Variants in ZNF385B observed in about 807,000 individuals in gnomAD.
ZNF385B encodes the protein zinc finger protein 533.
In ZNF385B, 23 loss-of-function variants were observed where a neutral mutation model predicts 39.2. The observed-to-expected ratio is 0.59, with a 90% CI of 0.42 to 0.83. ZNF385B has a LOEUF of 0.83. Ranked by LOEUF, ZNF385B falls within the 40% of genes least tolerant of loss-of-function variation. The probability of loss-of-function intolerance (pLI) is 0.00; values close to 1 mark genes in which losing one functional copy is unlikely to be tolerated. For synonymous variants in ZNF385B, 205 were observed against 222.6 expected (o/e 0.92, Z 0.70); for missense variants, 552 against 598.9 (o/e 0.92, Z 0.82).
Position 179,555,541 on chromosome 2 carries a change from T to G in ZNF385B, c.299-10572A>C, listed in dbSNP as rs570607830. ...GTCAATGCTATTAATTCTAATAAAA[T>G]GTTTTGACAAATATAGGCAAAATTT... On this transcript the variant is annotated intron_variant, in intron 3 of 9. Coordinates refer to ENST00000410066, the MANE Select transcript of ZNF385B (RefSeq NM_152520.6). Among the ~76,000 whole-genome samples, 10 of 149,872 alleles carry G rather than the reference T, an allele frequency of 6.7e-5. 1 individual carries two copies. In the South Asian group the frequency reaches 2.1e-3, roughly 32 times the overall value.
rs972583394 is a variant in ZNF385B, at chr2:179,524,575, A to G, written c.442-5937T>C. Among the ~76,000 whole-genome samples the G allele has an allele frequency of 7.5e-4, 105 of 140,130 alleles. 3 individuals are homozygous for G. Among genetic ancestry groups the G allele is most frequent in the African/African-American group, 2.5e-3 (99 of 39,160 alleles). 91.9% of individuals were successfully genotyped at this position (140,130 alleles called of 152,430 possible). On this transcript the variant is annotated intron_variant, in intron 4 of 9. Transcript: ENST00000410066. ...TCAAAAAAAAAAAAAAAAAAAAAAA[A>G]AAAAAAAAAAAAAAATTTAAAGTCA...
At chr2:179,747,940 T>C (rs1273701196) in intron 3 of ZNF385B, among the ~76,000 whole-genome samples, 2 of 152,170 alleles carry the variant, frequency 1.3e-5, no homozygotes, top group Non-Finnish European at 2.9e-5. Flanking sequence ...CATTAGTTCA[T>C]GTCACGTTTT....
chr2:179,642,547 T>G (rs886912354), intron 3 of ZNF385B, among the ~76,000 whole-genome samples: 11 of 152,184 alleles, frequency 7.2e-5, no homozygotes, highest in Non-Finnish European at 1.5e-4. Flanking sequence ...ATTTTGCAAG[T>G]GTAGTCTGTA....
intron 1 of ZNF385B, among the ~76,000 whole-genome samples, chr2:179,774,369 TG>T (rs749110132): frequency 5.2e-4 from 78 of 150,566 alleles, no homozygotes; most frequent in Non-Finnish European, 5.3e-4. Context: ...TTCTTTTTTT[TG>T]TTTGTTTTAA....
At chr2:179,741,812 T>C (rs903496509) in intron 3 of ZNF385B, among the ~76,000 whole-genome samples, 8 of 152,070 alleles carry the variant, frequency 5.3e-5, no homozygotes, top group South Asian at 4.1e-4. Flanking sequence ...GATTTTCTTC[T>C]AGGTCAAGTT....
intron 1 of ZNF385B, among the ~76,000 whole-genome samples, chr2:179,860,303 T>G (rs1684937573): frequency 1.3e-5 from 2 of 152,166 alleles, no homozygotes; most frequent in Admixed American, 1.3e-4. Flanking sequence ...TGGCAATTTA[T>G]TTCCCCTGAA....
At chr2:179,811,417 C>T (rs963514916) in intron 1 of ZNF385B, among the ~76,000 whole-genome samples, 1 of 152,044 alleles carries the variant, frequency 6.6e-6, no homozygotes, top group Non-Finnish European at 1.5e-5. Flanking sequence ...TACTATATGG[C>T]TGTAATAACC....
At chr2:179,708,958 T>C (rs1413782121) in intron 3 of ZNF385B, among the ~76,000 whole-genome samples, 4 of 152,208 alleles carry the variant, frequency 2.6e-5, no homozygotes, top group Non-Finnish European at 5.9e-5. Context: ...GTCTCTGCAA[T>C]GTATGCAGCT....
At chr2:179,847,545 T>C (rs1183406790) in intron 1 of ZNF385B, among the ~76,000 whole-genome samples, 1 of 152,210 alleles carries the variant, frequency 6.6e-6, no homozygotes, top group East Asian at 1.9e-4. Flanking sequence ...TTCCCAGTTT[T>C]GTATGGCTGT....
intron 3 of ZNF385B, among the ~76,000 whole-genome samples, chr2:179,766,337 A>G (rs1703692339): frequency 6.6e-6 from 1 of 151,586 alleles, no homozygotes; most frequent in African/African-American, 2.4e-5. Context: ...ACTACCACAT[A>G]TTTTTCTCTG....
chr2:179,777,651 T>TA (rs1704407643), intron 1 of ZNF385B, among the ~76,000 whole-genome samples: 1 of 152,132 alleles, frequency 6.6e-6, no homozygotes, highest in Non-Finnish European at 1.5e-5. Context: ...TCTCATCTTT[T>TA]AAAGATGAAT....
At chr2:179,491,878 T>C (rs2055269591) in intron 5 of ZNF385B, among the ~76,000 whole-genome samples, 1 of 151,860 alleles carries the variant, frequency 6.6e-6, no homozygotes, top group African/African-American at 2.4e-5. Context: ...TTAAAAAATT[T>C]TTTGGAGAGG....
intron 3 of ZNF385B, among the ~76,000 whole-genome samples, chr2:179,740,813 T>C (rs551802705): frequency 6.6e-6 from 1 of 152,198 alleles, no homozygotes; most frequent in Admixed American, 6.6e-5. Flanking sequence ...CATAACACAA[T>C]AACGTTTATG....
intron 3 of ZNF385B, among the ~76,000 whole-genome samples, chr2:179,711,978 C>CT (rs1700035749): frequency 7.0e-6 from 1 of 142,518 alleles, no homozygotes; most frequent in African/African-American, 2.6e-5. Context: ...TCGATAAACT[C>CT]TGTGTTTTGG....
chr2:179,663,906 C>T (rs1012197057), intron 3 of ZNF385B, among the ~76,000 whole-genome samples: 3 of 151,984 alleles, frequency 2.0e-5, no homozygotes, highest in Non-Finnish European at 2.9e-5. Flanking sequence ...TCCAGGGTCA[C>T]AAATCTTCAA....
At chr2:179,591,066 A>G (rs1687514694) in intron 3 of ZNF385B, among the ~76,000 whole-genome samples, 1 of 151,386 alleles carries the variant, frequency 6.6e-6, no homozygotes, top group African/African-American at 2.4e-5. Context: ...TGTTACAAAG[A>G]TAAAGTATCT....
At chr2:179,729,740 G>C (rs1701263282) in intron 3 of ZNF385B, among the ~76,000 whole-genome samples, 1 of 152,194 alleles carries the variant, frequency 6.6e-6, no homozygotes, top group Admixed American at 6.5e-5. Context: ...TGTCGAGGCA[G>C]AGACCAGGTG....
chr2:179,856,771 G>T (rs1575606170), intron 1 of ZNF385B, among the ~76,000 whole-genome samples: 1 of 152,270 alleles, frequency 6.6e-6, no homozygotes, highest in Admixed American at 6.5e-5. Context: ...ACTAGCAACT[G>T]CAATCATGTA....
At chr2:179,745,912 G>T in intron 3 of ZNF385B, 1 of 1,250,138 alleles carries the variant, frequency 8.0e-7, no homozygotes, top group Non-Finnish European at 1.0e-6. Flanking sequence ...CTGGCTTATT[G>T]CACTGCTCAT....
Sources: allele counts gnomAD v4.1 joint callset (sites outside exome capture counted in the v4.1 genomes callset), GRCh38; gene constraint gnomAD v4.1.1; transcripts MANE v1.5; gene names NCBI Gene and HGNC (gene_info 2026-07-23, HGNC 2026-07-21).